Variants in KLHL29 observed in about 807,000 individuals in gnomAD.
KLHL29 encodes kelch like family member 29.
A neutral mutation model predicts 80.4 loss-of-function variants in KLHL29; 21 were observed. The observed-to-expected ratio is 0.26, with a 90% CI of 0.19 to 0.38. KLHL29 has a LOEUF of 0.38. KLHL29 is among the 10% of genes least tolerant of loss of function. The pLI is 1.00. For missense variants in KLHL29, 867 were observed against 1,223.9 expected, an observed-to-expected ratio of 0.71 and a Z score of 4.35; for synonymous variants, 511 against 526.8, an observed-to-expected ratio of 0.97 and a Z score of 0.41.
At chr2:23,657,160 C>A (rs889359633) in intron 5 of KLHL29, among the ~76,000 whole-genome samples, 2 of 152,154 alleles carry the variant, frequency 1.3e-5, no homozygotes, top group Non-Finnish European at 2.9e-5. Context: ...CCTGCCAGCT[C>A]TTCCTGGGCC....
At chr2:23,546,078 G>A (rs546037414) in intron 2 of KLHL29, among the ~76,000 whole-genome samples, 1 of 152,274 alleles carries the variant, frequency 6.6e-6, no homozygotes, top group African/African-American at 2.4e-5. Flanking sequence ...CTGCAGCTGA[G>A]ATCTGGCCTG....
rs1311528378 is a variant in KLHL29, at chr2:23,647,592, T to G, written c.940+4742T>G. On this transcript the variant is annotated intron_variant, in intron 5 of 13. Transcript: ENST00000486442. The surrounding 1 kb of genome is among the most constrained non-coding windows in gnomAD (Gnocchi z 4.9). ...CCACCGTCACCTCTGGCCTGCACACTGGCCTCCCAGCCCACAGTGCATTCC... is the reference window on the plus strand; with the variant it reads ...CCACCGTCACCTCTGGCCTGCACACGGGCCTCCCAGCCCACAGTGCATTCC... 1.3e-5 allele frequency among the ~76,000 whole-genome samples: 2 copies of G among 152,140 alleles called. No individual in the cohort carries two copies. Among genetic ancestry groups the G allele is most frequent in the South Asian group, 4.1e-4 (2 of 4,822 alleles).
chr2:23,660,135 G>C (rs1325036563), intron 5 of KLHL29, among the ~76,000 whole-genome samples: 1 of 152,152 alleles, frequency 6.6e-6, no homozygotes, highest in Non-Finnish European at 1.5e-5. Flanking sequence ...AGGGCAGACA[G>C]GTCTCTTCTC....
chr2:23,623,650 C>T (rs1669240448), intron 3 of KLHL29, among the ~76,000 whole-genome samples: 1 of 152,154 alleles, frequency 6.6e-6, no homozygotes, highest in Admixed American at 6.5e-5. Context: ...CGGAGTCCCC[C>T]CGCAGTCCAA....
intron 2 of KLHL29, among the ~76,000 whole-genome samples, chr2:23,493,999 A>G (rs1383532423): frequency 6.6e-6 from 1 of 152,230 alleles, no homozygotes; most frequent in African/African-American, 2.4e-5. Flanking sequence ...TAAATATACT[A>G]CTGCTATCTC....
intron 3 of KLHL29, among the ~76,000 whole-genome samples, chr2:23,610,184 G>A (rs1019597390): frequency 6.6e-6 from 1 of 152,180 alleles, no homozygotes; most frequent in Admixed American, 6.5e-5. Context: ...GGACTGTCTT[G>A]GGGTGGGATG....
intron 3 of KLHL29, among the ~76,000 whole-genome samples, chr2:23,638,201 C>G (rs1669671033): frequency 6.6e-6 from 1 of 151,920 alleles, no homozygotes; most frequent in South Asian, 2.1e-4. Context: ...CCCTCCTACA[C>G]ATATTGTTTG....
intron 2 of KLHL29, among the ~76,000 whole-genome samples, chr2:23,520,584 C>A (rs1666062959): frequency 6.6e-6 from 1 of 152,192 alleles, no homozygotes; most frequent in South Asian, 2.1e-4. Context: ...GCCCTGAGAT[C>A]ATGGCACTGT....
At chr2:23,538,188 A>C (rs909142764) in intron 2 of KLHL29, among the ~76,000 whole-genome samples, 1 of 152,186 alleles carries the variant, frequency 6.6e-6, no homozygotes, top group African/African-American at 2.4e-5. Flanking sequence ...GTAGTCCAGG[A>C]TTCCTTTGGC....
At chr2:23,536,702 C>T (rs1163100472) in intron 2 of KLHL29, among the ~76,000 whole-genome samples, 5 of 152,014 alleles carry the variant, frequency 3.3e-5, no homozygotes, top group South Asian at 2.1e-4. Context: ...GCAGTCAGGC[C>T]GTTAGGAGGA....
intron 3 of KLHL29, among the ~76,000 whole-genome samples, chr2:23,637,322 T>C (rs1173138530): frequency 6.6e-6 from 1 of 152,170 alleles, no homozygotes; most frequent in Non-Finnish European, 1.5e-5. Context: ...AGCTGTCTAT[T>C]TGGAGAATGC....
Position 23,693,447 on chromosome 2 carries a change from C to A in KLHL29, c.1461C>A (p.Asp487Glu). ...KDDFIAYVSN[D>E]SLNTKAEELV... ...ACTTCATCGCCTACGTCTCCAACGA[C>A]AGCCTCAACACCAAGGCTGAGGAGC... The change falls in exon 8 of 14, where the codon GAC (aspartate) becomes GAA (glutamate). Residue 487 changes from aspartate to glutamate, a missense_variant. Physicochemically the swap from Asp to Glu is conservative, Grantham distance 45 (BLOSUM62 2). This residue lies in a region of KLHL29 where 443 missense variants were observed against 767.0 expected (regional missense o/e 0.58). Transcript: ENST00000486442. 6.4e-7 allele frequency: 1 copy of A among 1,551,752 alleles called. No homozygotes were observed. The highest frequency in any genetic ancestry group is 8.7e-7 in the Non-Finnish European group (1 of 1,146,986).
At chr2:23,435,269 G>A (rs1170736274) in intron 1 of KLHL29, among the ~76,000 whole-genome samples, 2 of 152,180 alleles carry the variant, frequency 1.3e-5, no homozygotes, top group Admixed American at 1.3e-4. Context: ...TGATTGTGAA[G>A]GCCATACTGA....
intron 2 of KLHL29, among the ~76,000 whole-genome samples, chr2:23,547,408 C>T (rs1667005058): frequency 1.3e-5 from 2 of 152,110 alleles, no homozygotes; most frequent in Non-Finnish European, 2.9e-5. Context: ...TAGGATTGAC[C>T]TAGCCATTTA....
chr2:23,435,537 A>AT (rs1286443258), intron 1 of KLHL29, among the ~76,000 whole-genome samples: 1 of 152,210 alleles, frequency 6.6e-6, no homozygotes, highest in African/African-American at 2.4e-5. Context: ...GGGTGACATG[A>AT]TGAAGGGGAA....
rs1671171410 is a variant in KLHL29 at position 23,684,140 on chromosome 2, A to AT, written c.941-253dup. 1.3e-5 allele frequency among the ~76,000 whole-genome samples: 2 copies of AT among 151,892 alleles called. No homozygotes were observed. The highest frequency in any genetic ancestry group is 2.1e-4 in the South Asian group (1 of 4,812). ...CCCAACCTTTCAATTTCTGGGTTTG[A>AT]TTTTTTGTATCATATTTGGTTTTTT... On this transcript the variant is annotated intron_variant, in intron 5 of 13. Coordinates refer to ENST00000486442, the MANE Select transcript of KLHL29 (RefSeq NM_052920.2). This position sits in a 1 kb window ranked among gnomAD's most constrained non-coding sequence, Gnocchi z 4.4.
At chr2:23,577,843 G>C (rs377193686) in intron 3 of KLHL29, among the ~76,000 whole-genome samples, 2 of 152,218 alleles carry the variant, frequency 1.3e-5, no homozygotes, top group South Asian at 2.1e-4. Context: ...GGCTTGGAGC[G>C]GGGGTGGCTG....
At chr2:23,536,928 T>TCTCTCTCC (rs745512548) in intron 2 of KLHL29, among the ~76,000 whole-genome samples, 1 of 137,008 alleles carries the variant, frequency 7.3e-6, no homozygotes, top group Non-Finnish European at 1.6e-5. Context: ...ACTCTCTCTC[T>TCTCTCTCC]CCCTCTCTCG....
chr2:23,646,130 G>A (rs998275557), intron 5 of KLHL29, among the ~76,000 whole-genome samples: 1 of 152,104 alleles, frequency 6.6e-6, no homozygotes, highest in Non-Finnish European at 1.5e-5. Flanking sequence ...AAAAGAATTC[G>A]TTCCATTTGA....
Sources: gnomAD v4.1 joint callset for allele counts (sites outside exome capture counted in the v4.1 genomes callset) on GRCh38, gnomAD v4.1.1 for gene constraint, gnomAD v4.1.1 regional missense constraint, Gnocchi (gnomAD v3.1) non-coding constraint, MANE v1.5 for transcripts, NCBI Gene and HGNC (gene_info 2026-07-23, HGNC 2026-07-21) for gene names.